KCNIP4: variants seen among roughly 807,000 people sequenced by gnomAD.
The protein encoded by KCNIP4 is potassium voltage-gated channel interacting protein 4, also known as Kv channel-interacting protein 4.
KCNIP4 carries 12 observed loss-of-function variants against 34.0 expected under a neutral mutation model. That is an observed-to-expected ratio of 0.35 (90% CI 0.23 to 0.57). The LOEUF (loss-of-function observed/expected upper bound fraction) is 0.57, where lower values mean the gene tolerates loss of function less well. Among genes scored for constraint, KCNIP4 ranks in the 20% least tolerant of loss-of-function variants. The probability of loss-of-function intolerance (pLI) is 0.83; values close to 1 mark genes in which losing one functional copy is unlikely to be tolerated. For missense variants in KCNIP4, 238 were observed against 311.7 expected (o/e 0.76, Z 1.78); for synonymous variants, 124 against 102.2 (o/e 1.21, Z -1.29).
At chr4:20,861,494 A>G (rs780540959) in intron 2 of KCNIP4, among the ~76,000 whole-genome samples, 1 of 152,176 alleles carries the variant, frequency 6.6e-6, no homozygotes, top group Non-Finnish European at 1.5e-5. Context: ...CTGATGTTTT[A>G]GTTAGTTTGA....
At chr4:21,019,096 C>T (rs997745966) in intron 1 of KCNIP4, among the ~76,000 whole-genome samples, 1 of 152,084 alleles carries the variant, frequency 6.6e-6, no homozygotes, top group South Asian at 2.1e-4. Context: ...ATGATCTTCA[C>T]CCTGTGTCTA....
chr4:21,762,999 C>T, intron 1 of KCNIP4: 1 of 1,288,862 alleles, frequency 7.8e-7, no homozygotes, highest in South Asian at 1.2e-5. Flanking sequence ...TCAAGGACAG[C>T]ACTTGGTACA....
intron 1 of KCNIP4, among the ~76,000 whole-genome samples, chr4:20,972,472 T>C (rs891549932): frequency 7.2e-5 from 11 of 152,230 alleles, no homozygotes; most frequent in East Asian, 1.9e-4. Context: ...TTAGAACTCC[T>C]GGACAAGCAG....
At chr4:21,065,750 AT>A (rs1744314339) in intron 1 of KCNIP4, among the ~76,000 whole-genome samples, 3 of 143,282 alleles carry the variant, frequency 2.1e-5, no homozygotes, top group East Asian at 2.0e-4. Flanking sequence ...ATATATATAT[AT>A]ATATATATAT....
chr4:21,674,186 T>G lies in KCNIP4; in HGVS notation c.61+274385A>C, dbSNP rs149259840. Among the ~76,000 whole-genome samples the G allele has an allele frequency of 4.9e-3, 746 of 152,308 alleles. 4 individuals are homozygous for G. Among genetic ancestry groups the G allele is most frequent in the African/African-American group, 0.017 (700 of 41,572 alleles). ...TGTATTGAATTTGTGTCTAGTCTAATTTTTTTCTTAGAGTAATAACCAGAA... is the reference window on the plus strand; with the variant it reads ...TGTATTGAATTTGTGTCTAGTCTAAGTTTTTTCTTAGAGTAATAACCAGAA... On this transcript the variant is annotated intron_variant, in intron 1 of 8. Coordinates refer to ENST00000382152, the MANE Select transcript of KCNIP4 (RefSeq NM_025221.6).
At chr4:20,836,892 G>A (rs1719107737) in intron 3 of KCNIP4, among the ~76,000 whole-genome samples, 2 of 150,546 alleles carry the variant, frequency 1.3e-5, no homozygotes, top group South Asian at 4.2e-4. Context: ...TCCATTGGAT[G>A]TACCATAATT....
chr4:21,825,876 G>A (rs1722651011), intron 1 of KCNIP4, among the ~76,000 whole-genome samples: 1 of 152,122 alleles, frequency 6.6e-6, no homozygotes, highest in Non-Finnish European at 1.5e-5. Context: ...ATGTGAGAGA[G>A]GATGGCAGAT....
intron 1 of KCNIP4, among the ~76,000 whole-genome samples, chr4:21,363,384 A>G (rs1216271854): frequency 6.6e-6 from 1 of 152,086 alleles, no homozygotes; most frequent in Non-Finnish European, 1.5e-5. Flanking sequence ...CAAAACCTTT[A>G]CCTAGCCTCA....
At position 20,771,925 on chromosome 4, in the gene KCNIP4, C is replaced by A. The variant is rs920343899; in HGVS notation, c.289-13035G>T. On this transcript the variant is annotated intron_variant, in intron 3 of 8. Coordinates refer to ENST00000382152, the MANE Select transcript of KCNIP4 (RefSeq NM_025221.6). ...GACCTCGTGATCCAGCCAGCTTGGC[C>A]TCCCAAAGTGCTGGGATTACAGGTG... 2.0e-5 allele frequency among the ~76,000 whole-genome samples: 3 copies of A among 152,278 alleles called. No individual in the cohort carries two copies. The South Asian group carries it at 6.2e-4, about 32-fold the overall frequency.
intron 1 of KCNIP4, among the ~76,000 whole-genome samples, chr4:21,413,880 T>C (rs1874341): frequency 0.55 from 83,446 of 152,006 alleles, 23,540 homozygotes; most frequent in African/African-American, 0.68. Flanking sequence ...TTATTAGTCT[T>C]TCCCCCAAAC....
Position 21,589,163 on chromosome 4 carries a change from T to C in KCNIP4, c.61+359408A>G, listed in dbSNP as rs1191631129. On this transcript the variant is annotated intron_variant, in intron 1 of 8. Transcript: ENST00000382152. ...GCACAAAAATGGAGGTGTGTATATA[T>C]ATATATATATATATATATATATATA... 2.9e-4 allele frequency among the ~76,000 whole-genome samples: 11 copies of C among 37,698 alleles called. 1 individual carries two copies. The highest frequency in any genetic ancestry group is 5.7e-4 in the African/African-American group (6 of 10,570). The allele number at this position is 37,698 out of a possible 152,430, so 24.7% of individuals were successfully genotyped here.
chr4:21,712,375 C>T (rs962493866), intron 1 of KCNIP4, among the ~76,000 whole-genome samples: 1 of 152,168 alleles, frequency 6.6e-6, no homozygotes, highest in African/African-American at 2.4e-5. Context: ...TACAGTGTCT[C>T]CTCGTGTGCT....
intron 1 of KCNIP4, among the ~76,000 whole-genome samples, chr4:21,591,793 C>G (rs541514573): frequency 2.8e-4 from 43 of 152,086 alleles, no homozygotes; most frequent in African/African-American, 1.0e-3. Flanking sequence ...TAACATCTAT[C>G]AGAAACATTC....
intron 1 of KCNIP4, among the ~76,000 whole-genome samples, chr4:21,523,525 C>T (rs887061775): frequency 6.6e-6 from 1 of 151,810 alleles, no homozygotes. Context: ...TTTCCTTTTC[C>T]TTCTTTGCTT....
intron 1 of KCNIP4, among the ~76,000 whole-genome samples, chr4:21,078,438 C>G (rs1436148491): frequency 6.6e-6 from 1 of 151,964 alleles, no homozygotes; most frequent in Non-Finnish European, 1.5e-5. Flanking sequence ...GGGTTGCAGG[C>G]AGCTGCCTTC....
At chr4:21,759,797 T>C (rs188828224) in intron 1 of KCNIP4, among the ~76,000 whole-genome samples, 82 of 152,184 alleles carry the variant, frequency 5.4e-4, no homozygotes, top group Middle Eastern at 3.4e-3. Context: ...TTGCCACCTG[T>C]CCTTGTAAAC....
intron 1 of KCNIP4, among the ~76,000 whole-genome samples, chr4:21,639,789 T>C (rs948446075): frequency 3.9e-5 from 6 of 152,324 alleles, no homozygotes; most frequent in Admixed American, 2.6e-4. Context: ...TGCTAGTTGC[T>C]GAGTATGTCT....
At chr4:21,558,024 T>C (rs991468084) in intron 1 of KCNIP4, among the ~76,000 whole-genome samples, 1 of 152,016 alleles carries the variant, frequency 6.6e-6, no homozygotes, top group African/African-American at 2.4e-5. Context: ...TGAGCAAAAG[T>C]GGTTATGGTG....
At chr4:20,881,147 G>T (rs956025450) in intron 2 of KCNIP4, among the ~76,000 whole-genome samples, 1 of 152,078 alleles carries the variant, frequency 6.6e-6, no homozygotes, top group Non-Finnish European at 1.5e-5. Context: ...AATATTTGTT[G>T]AATGAATAAG....
Sources: gnomAD v4.1 joint callset for allele counts (sites outside exome capture counted in the v4.1 genomes callset) on GRCh38, gnomAD v4.1.1 for gene constraint, MANE v1.5 for transcripts, NCBI Gene and HGNC (gene_info 2026-07-23, HGNC 2026-07-21) for gene names.